KRAS: variants seen among roughly 807,000 people sequenced by gnomAD.
KRAS encodes the protein KRas proto-oncogene, GTPase, also known as GTPase KRas.
KRAS carries 1 observed loss-of-function variant against 21.0 expected under a neutral mutation model. The observed-to-expected ratio is 0.05, with a 90% confidence interval of 0.02 to 0.23. The LOEUF (loss-of-function observed/expected upper bound fraction) is 0.23, where lower values mean the gene tolerates loss of function less well. KRAS is among the 10% of genes least tolerant of loss of function. The pLI, the probability that KRAS is intolerant of heterozygous loss-of-function variation, is 1.00. For synonymous variants in KRAS, 67 were observed against 72.5 expected (o/e 0.92, Z 0.39); for missense variants, 107 against 221.8 (o/e 0.48, Z 3.29).
chr12:25,206,031 A>T lies in KRAS; in HGVS notation c.*3764T>A, dbSNP rs1951134764. The T allele has an allele frequency of 4.8e-6, 1 of 209,340 alleles. No individual in the cohort carries two copies. Among genetic ancestry groups the T allele is most frequent in the Non-Finnish European group, 9.7e-6 (1 of 103,208 alleles). The allele number at this position is 209,340 out of a possible 1,614,324, so 13.0% of individuals were successfully genotyped here. A position where few individuals can be genotyped will look rare whatever the true frequency, so the allele number is the denominator to read the frequency against. ...AAATCATTACTTTTTGACAAATGGA[A>T]ATCTTCAGATAGTTTTTGCTGTCTA... On this transcript the variant is annotated 3_prime_UTR_variant, in exon 5 of 5. Transcript: ENST00000311936.
rs144453028 is a variant in KRAS at position 25,230,356 on chromosome 12, C to T, written c.112-2944G>A. ...AAAAGACATTTATCTTGGCCGGGTG[C>T]GATGGCTCATGTCTGTAATCCCAGC... On this transcript the variant is annotated intron_variant, in intron 2 of 4. Transcript: ENST00000311936. 8.5e-5 allele frequency among the ~76,000 whole-genome samples: 13 copies of T among 152,216 alleles called. 1 individual carries two copies. Among genetic ancestry groups the T allele is most frequent in the African/African-American group, 2.9e-4 (12 of 41,532 alleles).
chr12:25,232,154 TG>T (rs537822428), intron 2 of KRAS, among the ~76,000 whole-genome samples: 45 of 152,158 alleles, frequency 3.0e-4, no homozygotes, highest in Non-Finnish European at 5.7e-4. Flanking sequence ...CAACTGTATT[TG>T]GAGGAAGAAA....
intron 4 of KRAS, among the ~76,000 whole-genome samples, chr12:25,220,587 C>T (rs1951307322): frequency 1.3e-5 from 2 of 151,852 alleles, no homozygotes; most frequent in Admixed American, 6.6e-5. Flanking sequence ...ATTAGCTGGG[C>T]GTGGTGGTGT....
chr12:25,230,998 C>G (rs1951460297), intron 2 of KRAS, among the ~76,000 whole-genome samples: 1 of 151,130 alleles, frequency 6.6e-6, no homozygotes, highest in Non-Finnish European at 1.5e-5. Context: ...GAGCAAAGCA[C>G]AGAGTCTTAG....
chr12:25,243,672 T>A (rs1056312364), intron 2 of KRAS, among the ~76,000 whole-genome samples: 1 of 152,240 alleles, frequency 6.6e-6, no homozygotes. Flanking sequence ...TCCAGTAAAA[T>A]CACCTTCCAA....
At chr12:25,222,166 A>T (rs1951335381) in intron 4 of KRAS, among the ~76,000 whole-genome samples, 1 of 147,124 alleles carries the variant, frequency 6.8e-6, no homozygotes, top group Non-Finnish European at 1.5e-5. Flanking sequence ...AAAAACAAGA[A>T]AGAAAGAAAA....
intron 1 of KRAS, among the ~76,000 whole-genome samples, chr12:25,246,427 G>A (rs1951681971): frequency 1.3e-5 from 2 of 151,922 alleles, no homozygotes; most frequent in African/African-American, 4.8e-5. Context: ...GCGTGGTGGC[G>A]CTCTCCTGTA....
Position 25,209,399 on chromosome 12 carries a change from T to C in KRAS, c.*396A>G. Reference sequence around the variant, plus strand: ...CCAATTAGAAGGTCTCAACTGAAATTAGTAATTAATCCATTTATGTGACTA... The same window carrying C: ...CCAATTAGAAGGTCTCAACTGAAATCAGTAATTAATCCATTTATGTGACTA... On this transcript the variant is annotated 3_prime_UTR_variant, in exon 5 of 5. Transcript: ENST00000311936. 1.2e-6 allele frequency: 1 copy of C among 809,784 alleles called. No homozygotes were observed. Among genetic ancestry groups the C allele is most frequent in the Non-Finnish European group, 1.8e-6 (1 of 567,504 alleles). 50.2% of individuals were successfully genotyped at this position (809,784 alleles called of 1,614,324 possible).
rs1006839217 is a variant in KRAS, at chr12:25,207,688, T to C, written c.*2107A>G. 4.3e-6 allele frequency: 1 copy of C among 232,296 alleles called. No homozygotes were observed. Among genetic ancestry groups the C allele is most frequent in the Non-Finnish European group, 8.5e-6 (1 of 117,548 alleles). 14.4% of individuals were successfully genotyped at this position (232,296 alleles called of 1,614,324 possible). On this transcript the variant is annotated 3_prime_UTR_variant, in exon 5 of 5. Coordinates refer to ENST00000311936, the MANE Select transcript of KRAS (RefSeq NM_004985.5). The stretch of plus-strand genomic sequence containing the variant: ...ATTCTCCTTCCACTGGATAGGGTTC[T>C]GTCTATTCATACCAGGTTTGAAAAA...
intron 2 of KRAS, among the ~76,000 whole-genome samples, chr12:25,237,293 A>T (rs913995263): frequency 3.3e-5 from 5 of 152,192 alleles, no homozygotes; most frequent in African/African-American, 4.8e-5. Flanking sequence ...GGTGATAATA[A>T]CATTCTGGAA....
At chr12:25,224,484 T>C (rs1293737549) in intron 4 of KRAS, among the ~76,000 whole-genome samples, 2 of 151,934 alleles carry the variant, frequency 1.3e-5, no homozygotes, top group Non-Finnish European at 2.9e-5. Context: ...AATAAAGATA[T>C]AAGGAAAGAA....
In KRAS at chr12:25,206,166, A is replaced by C. The variant is rs1483159113; in HGVS notation, c.*3629T>G. 4.6e-6 allele frequency: 1 copy of C among 216,786 alleles called. No individual in the cohort carries two copies. The highest frequency in any genetic ancestry group is 6.9e-5 in the East Asian group (1 of 14,426). 13.4% of individuals were successfully genotyped at this position (216,786 alleles called of 1,614,324 possible). On this transcript the variant is annotated 3_prime_UTR_variant, in exon 5 of 5. Coordinates refer to ENST00000311936, the MANE Select transcript of KRAS (RefSeq NM_004985.5). The stretch of plus-strand genomic sequence containing the variant: ...ATGAACTTGTGCAAACTGTAACTTA[A>C]CATGCCCCACAAAGTTTCTATGTAT...
chr12:25,245,136 C>T, intron 2 of KRAS, 138 bp downstream of exon 2: 1 of 950,510 alleles, frequency 1.1e-6, no homozygotes, highest in Non-Finnish European at 1.6e-6. Context: ...TAACTTGAAA[C>T]CCAAGGTACA....
intron 2 of KRAS, among the ~76,000 whole-genome samples, chr12:25,237,247 T>C (rs1951555344): frequency 2.0e-5 from 3 of 151,920 alleles, no homozygotes; most frequent in Admixed American, 2.0e-4. Context: ...GGAGAAGGGA[T>C]TGGGGAGTGG....
At chr12:25,217,993 T>A (rs1022525454) in intron 4 of KRAS, among the ~76,000 whole-genome samples, 2 of 152,154 alleles carry the variant, frequency 1.3e-5, no homozygotes, top group African/African-American at 4.8e-5. Flanking sequence ...AAATTATGTA[T>A]CCAAAATTTT....
intron 3 of KRAS, 36 bp from the exon 4 acceptor site, chr12:25,225,809 G>A (rs1951385646): frequency 6.3e-7 from 1 of 1,585,420 alleles, no homozygotes; most frequent in African/African-American, 1.3e-5. Flanking sequence ...ACAGTCATTA[G>A]TAACACAAAT....
chr12:25,235,380 T>C lies in KRAS; in HGVS notation c.112-7968A>G, dbSNP rs61761144. 1.3e-3 allele frequency among the ~76,000 whole-genome samples: 191 copies of C among 152,288 alleles called. 2 individuals are homozygous for C. The highest frequency in any genetic ancestry group is 4.4e-3 in the African/African-American group (182 of 41,568). On this transcript the variant is annotated intron_variant, in intron 2 of 4. Coordinates refer to ENST00000311936, the MANE Select transcript of KRAS (RefSeq NM_004985.5). ...CGGTTGTAGACTGTCAGAATTATAA[T>C]AGGGAAGAAACAGGGAATTTAGGGT...
intron 2 of KRAS, among the ~76,000 whole-genome samples, chr12:25,235,430 A>G (rs1371711970): frequency 6.6e-6 from 1 of 152,232 alleles, no homozygotes; most frequent in Non-Finnish European, 1.5e-5. Flanking sequence ...TGATGAGTTC[A>G]TTCCCATCTA....
At chr12:25,213,099 T>A (rs1258205656) in intron 4 of KRAS, among the ~76,000 whole-genome samples, 9 of 152,104 alleles carry the variant, frequency 5.9e-5, no homozygotes, top group African/African-American at 1.4e-4. Context: ...TATTTAATTT[T>A]AAATTTTTAA....
Sources: allele counts gnomAD v4.1 joint callset (sites outside exome capture counted in the v4.1 genomes callset), GRCh38; gene constraint gnomAD v4.1.1; transcripts MANE v1.5; gene names NCBI Gene and HGNC (gene_info 2026-07-23, HGNC 2026-07-21).